Variants in ABCA13 observed in about 807,000 individuals in gnomAD.
ABCA13 encodes the protein ATP binding cassette subfamily A member 13, also known as ATP-binding cassette sub-family A member 13.
Under a neutral mutation model 478.7 loss-of-function variants are expected in ABCA13, and 476 were observed. That is an observed-to-expected ratio of 0.99 (90% confidence interval 0.92 to 1.07). ABCA13 has a LOEUF of 1.07. Ranked by LOEUF, ABCA13 falls within the 50% of genes least tolerant of loss-of-function variation. The pLI, the probability that ABCA13 is intolerant of heterozygous loss-of-function variation, is 0.00. For missense variants in ABCA13, 6,060 were observed against 5,910.6 expected, an observed-to-expected ratio of 1.03 and a Z score of -0.83; for synonymous variants, 2,252 against 2,158.9, an observed-to-expected ratio of 1.04 and a Z score of -1.20.
rs139305980 is a variant in ABCA13, at chr7:48,182,800, C to G, written c.70-10159C>G. Among the ~76,000 whole-genome samples the G allele has an allele frequency of 9.6e-4, 146 of 152,342 alleles. 1 individual carries two copies. Among genetic ancestry groups the G allele is most frequent in the African/African-American group, 3.4e-3 (143 of 41,580 alleles). On this transcript the variant is annotated intron_variant, in intron 1 of 61. Transcript: ENST00000435803. ...GATGTTTGGAAGCCTCGACTCCTAA[C>G]TGTAAAGGATCTAGGCAGATCAACT... is the stretch of plus-strand genomic sequence containing the variant.
intron 58 of ABCA13, among the ~76,000 whole-genome samples, chr7:48,598,854 A>C (rs1260884503): frequency 6.6e-6 from 1 of 152,002 alleles, no homozygotes; most frequent in Admixed American, 6.6e-5. Context: ...TTTCAAGCTA[A>C]GTTTTGTGTA....
intron 42 of ABCA13, among the ~76,000 whole-genome samples, chr7:48,437,862 C>CT (rs1365885894): frequency 6.6e-6 from 1 of 152,008 alleles, no homozygotes; most frequent in Non-Finnish European, 1.5e-5. Flanking sequence ...TAAGTGTGTG[C>CT]TTTTGCCTCT....
At chr7:48,207,583 C>T (rs1244333374) in intron 3 of ABCA13, among the ~76,000 whole-genome samples, 1 of 151,980 alleles carries the variant, frequency 6.6e-6, no homozygotes, top group Non-Finnish European at 1.5e-5. Context: ...TCCTAGTGAC[C>T]CATTTGTATG....
intron 1 of ABCA13, among the ~76,000 whole-genome samples, chr7:48,175,653 T>C (rs1392114749): frequency 6.6e-6 from 1 of 152,178 alleles, no homozygotes; most frequent in African/African-American, 2.4e-5. Flanking sequence ...ACTCCTGACC[T>C]CAGGGGAGCC....
chr7:48,444,839 C>T (rs1824072796), intron 42 of ABCA13, among the ~76,000 whole-genome samples: 1 of 152,124 alleles, frequency 6.6e-6, no homozygotes, highest in Non-Finnish European at 1.5e-5. Context: ...TCCTCTGGCT[C>T]ATTCTTGGTC....
intron 52 of ABCA13, among the ~76,000 whole-genome samples, chr7:48,517,491 G>A (rs576492019): frequency 6.6e-6 from 1 of 152,276 alleles, no homozygotes; most frequent in South Asian, 2.1e-4. Context: ...CCAATAGGCC[G>A]TTCTGATTAG....
intron 45 of ABCA13, 29 bp downstream of exon 45, chr7:48,471,628 T>C (rs758073587): frequency 9.8e-6 from 15 of 1,535,612 alleles, no homozygotes; most frequent in Non-Finnish European, 8.8e-6. Flanking sequence ...TTTGATCTTT[T>C]TAAGTCTAAA....
intron 59 of ABCA13, among the ~76,000 whole-genome samples, chr7:48,630,454 G>C (rs1794071966): frequency 6.6e-6 from 1 of 152,050 alleles, no homozygotes; most frequent in African/African-American, 2.4e-5. Context: ...AGGTTAATGG[G>C]CCCCAGCTCC....
chr7:48,385,405 T>G (rs1815030972), intron 35 of ABCA13, among the ~76,000 whole-genome samples: 1 of 152,178 alleles, frequency 6.6e-6, no homozygotes. Context: ...AGTATTTGGT[T>G]TTCTGTTCCT....
chr7:48,623,326 T>C (rs539313046), intron 59 of ABCA13, among the ~76,000 whole-genome samples: 1 of 152,248 alleles, frequency 6.6e-6, no homozygotes, highest in Non-Finnish European at 1.5e-5. Context: ...TTCTTCGTTA[T>C]CCTTTTCTTT....
At chr7:48,270,597 A>T (rs1795467433) in intron 16 of ABCA13, among the ~76,000 whole-genome samples, 1 of 152,016 alleles carries the variant, frequency 6.6e-6, no homozygotes, top group Non-Finnish European at 1.5e-5. Flanking sequence ...TTCTGATGGG[A>T]TTTTTTCCCT....
intron 32 of ABCA13, among the ~76,000 whole-genome samples, chr7:48,368,687 G>GTATATATATATATATA (rs201820250): frequency 3.1e-4 from 38 of 122,742 alleles, no homozygotes; most frequent in South Asian, 1.1e-3. Flanking sequence ...GTGTGTATGT[G>GTATATATATATATATA]TATATATATA....
Position 48,211,242 on chromosome 7 carries a change from C to T in ABCA13, c.288-8112C>T, listed in dbSNP as rs550305423. ...CTTTGCAGTCTGGGCTTGTTTGTAC[C>T]CATCCTTCTTGAGAGGACTTTCCAA... On this transcript the variant is annotated intron_variant, in intron 3 of 61. Coordinates refer to ENST00000435803, the MANE Select transcript of ABCA13 (RefSeq NM_152701.5). 8.7e-4 allele frequency among the ~76,000 whole-genome samples: 132 copies of T among 152,208 alleles called. 1 individual carries two copies. The highest frequency in any genetic ancestry group is 3.5e-4 in the Non-Finnish European group (24 of 68,012).
At chr7:48,230,115 A>C (rs538538580) in intron 7 of ABCA13, among the ~76,000 whole-genome samples, 160 bp downstream of exon 7, 2 of 152,388 alleles carry the variant, frequency 1.3e-5, no homozygotes, top group South Asian at 4.1e-4. Flanking sequence ...CAAAAATAGA[A>C]TAAAAATTTT....
intron 35 of ABCA13, among the ~76,000 whole-genome samples, chr7:48,382,835 C>T (rs989164287): frequency 9.2e-5 from 14 of 151,782 alleles, no homozygotes; most frequent in Admixed American, 6.6e-4. Context: ...GATTCATTGG[C>T]GTGTCCCTCG....
At chr7:48,446,484 ACAGTT>A (rs893011417) in intron 42 of ABCA13, among the ~76,000 whole-genome samples, 1 of 151,602 alleles carries the variant, frequency 6.6e-6, no homozygotes, top group Non-Finnish European at 1.5e-5. Context: ...CACTTTACAT[ACAGTT>A]CTGTTCCTTT....
At chr7:48,589,293 A>G (rs1215830362) in intron 57 of ABCA13, among the ~76,000 whole-genome samples, 1 of 152,198 alleles carries the variant, frequency 6.6e-6, no homozygotes, top group East Asian at 1.9e-4. Context: ...AGGGGATATC[A>G]TTCCGAAATT....
Position 48,609,948 on chromosome 7 carries a change from G to A in ABCA13, c.14745-5337G>A, listed in dbSNP as rs117314859. ...TACAATTTGACATGATATTTGGGCA[G>A]GGACACAAATCTAAATCATATTATT... On this transcript the variant is annotated intron_variant, in intron 58 of 61. Coordinates refer to ENST00000435803, the MANE Select transcript of ABCA13 (RefSeq NM_152701.5). Among the ~76,000 whole-genome samples, 17 of 152,270 alleles carry A rather than the reference G, an allele frequency of 1.1e-4. No homozygotes were observed. The East Asian group carries it at 3.3e-3, about 29-fold the overall frequency.
At chr7:48,186,878 T>C (rs996336114) in intron 1 of ABCA13, among the ~76,000 whole-genome samples, 2 of 152,026 alleles carry the variant, frequency 1.3e-5, no homozygotes, top group East Asian at 3.8e-4. Flanking sequence ...ATTTAAAATT[T>C]TCTTCCATTT....
Sources: allele counts gnomAD v4.1 joint callset (sites outside exome capture counted in the v4.1 genomes callset), GRCh38; gene constraint gnomAD v4.1.1; transcripts MANE v1.5; gene names NCBI Gene and HGNC (gene_info 2026-07-23, HGNC 2026-07-21).